Variants in MARCHF1 observed in about 807,000 individuals in gnomAD.
MARCHF1 encodes the protein E3 ubiquitin-protein ligase MARCHF1.
A neutral mutation model predicts 54.2 loss-of-function variants in MARCHF1; 40 were observed. The ratio of observed to expected loss-of-function variants is 0.74; its 90% CI spans 0.57 to 0.96. The LOEUF is 0.96. MARCHF1 is among the 40% of genes least tolerant of loss of function. The pLI is 0.00. For synonymous variants in MARCHF1, 236 were observed against 236.3 expected, an observed-to-expected ratio of 1.00 and a Z score of 0.01; for missense variants, 586 against 656.5, an observed-to-expected ratio of 0.89 and a Z score of 1.17.
intron 1 of MARCHF1, among the ~76,000 whole-genome samples, chr4:164,164,349 G>GA (rs1220091271): frequency 6.7e-6 from 1 of 149,844 alleles, no homozygotes; most frequent in Non-Finnish European, 1.5e-5. Flanking sequence ...AGCTTGTTCA[G>GA]AAAAAAAAAT....
chr4:163,872,483 A>T (rs905053148), intron 3 of MARCHF1, among the ~76,000 whole-genome samples: 1 of 152,218 alleles, frequency 6.6e-6, no homozygotes, highest in Non-Finnish European at 1.5e-5. Flanking sequence ...TCTTTTCTAC[A>T]ATAAATAAGT....
intron 4 of MARCHF1, among the ~76,000 whole-genome samples, chr4:163,798,437 G>C (rs7657245): frequency 1.3e-5 from 2 of 151,994 alleles, no homozygotes; most frequent in East Asian, 1.9e-4. Flanking sequence ...ATAAGACAGA[G>C]AGCATTATCA....
chr4:163,989,121 G>C (rs1477921217), intron 2 of MARCHF1, among the ~76,000 whole-genome samples: 1 of 152,138 alleles, frequency 6.6e-6, no homozygotes, highest in African/African-American at 2.4e-5. Flanking sequence ...TGCTGACTAC[G>C]TAAATAAGCA....
At chr4:164,143,016 G>A (rs1394796069) in intron 1 of MARCHF1, among the ~76,000 whole-genome samples, 5 of 150,158 alleles carry the variant, frequency 3.3e-5, no homozygotes, top group African/African-American at 7.3e-5. Context: ...CGAGAACTAA[G>A]TGAAGAATGC....
Position 163,561,319 on chromosome 4 carries a change from A to G in MARCHF1, c.1192-15576T>C, listed in dbSNP as rs138753922. On this transcript the variant is annotated intron_variant, in intron 8 of 9. Transcript: ENST00000514618. Reference sequence around the variant, plus strand: ...TTCTATGCCTTCTTCTAAAAGTATAATTGTTTTAGGTTTTACATTTTGTAT... The same window carrying G: ...TTCTATGCCTTCTTCTAAAAGTATAGTTGTTTTAGGTTTTACATTTTGTAT... Among the ~76,000 whole-genome samples, 565 of 152,238 alleles carry G rather than the reference A, an allele frequency of 3.7e-3. 2 individuals carry two copies. Among genetic ancestry groups the G allele is most frequent in the African/African-American group, 0.012 (497 of 41,548 alleles).
At chr4:163,863,035 G>T (rs572328292) in intron 3 of MARCHF1, among the ~76,000 whole-genome samples, 1 of 152,036 alleles carries the variant, frequency 6.6e-6, no homozygotes, top group Non-Finnish European at 1.5e-5. Flanking sequence ...GCAGTAAAAT[G>T]ATCAGTGGAG....
intron 3 of MARCHF1, among the ~76,000 whole-genome samples, chr4:163,968,902 G>C (rs1752496433): frequency 6.6e-6 from 1 of 152,126 alleles, no homozygotes; most frequent in Admixed American, 6.6e-5. Flanking sequence ...GCATTAATTA[G>C]GAGGGCTAAG....
intron 1 of MARCHF1, among the ~76,000 whole-genome samples, chr4:164,160,993 C>T (rs980469833): frequency 6.6e-6 from 1 of 152,126 alleles, no homozygotes; most frequent in African/African-American, 2.4e-5. Context: ...GATACCAGCA[C>T]TTTGGCTGAC....
intron 5 of MARCHF1, among the ~76,000 whole-genome samples, chr4:163,644,483 G>C (rs76926056): frequency 8.5e-5 from 13 of 152,092 alleles, no homozygotes; most frequent in Non-Finnish European, 1.9e-4. Flanking sequence ...TTCTGTTAAC[G>C]CAAGGACCCA....
chr4:164,147,204 A>G (rs1729774521), intron 1 of MARCHF1, among the ~76,000 whole-genome samples: 1 of 150,890 alleles, frequency 6.6e-6, no homozygotes, highest in South Asian at 2.1e-4. Context: ...GAGAAATAGG[A>G]ACACTTTTAC....
chr4:164,087,027 C>T (rs1208224708), intron 2 of MARCHF1, among the ~76,000 whole-genome samples: 1 of 152,006 alleles, frequency 6.6e-6, no homozygotes, highest in Non-Finnish European at 1.5e-5. Context: ...TTAATGCATG[C>T]AGGAATAAAT....
chr4:164,230,914 C>G (rs1230534691), intron 1 of MARCHF1, among the ~76,000 whole-genome samples: 3 of 152,062 alleles, frequency 2.0e-5, no homozygotes, highest in Non-Finnish European at 4.4e-5. Flanking sequence ...TCATAATCCC[C>G]AGGATGTCAA....
chr4:164,285,838 A>G (rs1160562031), intron 1 of MARCHF1, among the ~76,000 whole-genome samples: 1 of 151,460 alleles, frequency 6.6e-6, no homozygotes, highest in East Asian at 1.9e-4. Flanking sequence ...AAAAAAAAAA[A>G]AAAGGCCAAA....
At chr4:164,370,573 C>A (rs1204393959) in intron 1 of MARCHF1, among the ~76,000 whole-genome samples, 3 of 152,072 alleles carry the variant, frequency 2.0e-5, no homozygotes, top group Admixed American at 2.0e-4. Flanking sequence ...AAATAAGCAA[C>A]CAAGGAATAT....
At chr4:163,624,639 A>T (rs1741808684) in intron 5 of MARCHF1, among the ~76,000 whole-genome samples, 1 of 152,186 alleles carries the variant, frequency 6.6e-6, no homozygotes, top group South Asian at 2.1e-4. Context: ...TTTGGAATAT[A>T]AATTGGTTGA....
intron 3 of MARCHF1, among the ~76,000 whole-genome samples, chr4:163,909,125 T>C (rs1439535179): frequency 6.6e-6 from 1 of 152,188 alleles, no homozygotes; most frequent in Non-Finnish European, 1.5e-5. Context: ...TGTTAATTGA[T>C]ACACTGGAGT....
At chr4:163,540,483 A>G (rs2110898545) in intron 9 of MARCHF1, among the ~76,000 whole-genome samples, 1 of 152,366 alleles carries the variant, frequency 6.6e-6, no homozygotes, top group East Asian at 1.9e-4. Flanking sequence ...ATTAACAACA[A>G]CAAAATTGTT....
intron 3 of MARCHF1, among the ~76,000 whole-genome samples, chr4:163,910,773 G>C (rs535865182): frequency 2.6e-5 from 4 of 152,026 alleles, no homozygotes; most frequent in African/African-American, 9.7e-5. Context: ...TTGGGATTAC[G>C]GGCGTGAGCC....
chr4:163,844,278 T>G (rs1352729535), intron 4 of MARCHF1, among the ~76,000 whole-genome samples: 1 of 152,146 alleles, frequency 6.6e-6, no homozygotes, highest in East Asian at 1.9e-4. Flanking sequence ...TGGTGTTCTT[T>G]GTTTTCTGTT....
Sources: allele counts gnomAD v4.1 joint callset (sites outside exome capture counted in the v4.1 genomes callset), GRCh38; gene constraint gnomAD v4.1.1; transcripts MANE v1.5; gene names NCBI Gene and HGNC (gene_info 2026-07-23, HGNC 2026-07-21).